Variants in TMPRSS11A observed in about 807,000 individuals in gnomAD.
TMPRSS11A encodes transmembrane serine protease 11A, also known as transmembrane protease serine 11A.
In TMPRSS11A, 53 loss-of-function variants were observed where a neutral mutation model predicts 58.9. That is an observed-to-expected ratio of 0.90 (90% CI 0.72 to 1.13). The LOEUF is 1.13. Ranked by LOEUF, TMPRSS11A falls within the 50% of genes most tolerant of loss-of-function variation. The pLI, the probability that TMPRSS11A is intolerant of heterozygous loss-of-function variation, is 0.00. For synonymous variants in TMPRSS11A, 167 were observed against 169.8 expected, an observed-to-expected ratio of 0.98 and a Z score of 0.13; for missense variants, 493 against 499.3, an observed-to-expected ratio of 0.99 and a Z score of 0.12.
At chr4:67,950,987 C>A (rs977698057) in intron 1 of TMPRSS11A, among the ~76,000 whole-genome samples, 1 of 152,216 alleles carries the variant, frequency 6.6e-6, no homozygotes, top group Non-Finnish European at 1.5e-5. Flanking sequence ...GCAGGCATCA[C>A]CTTTGGCTGT....
Position 67,914,648 on chromosome 4 carries a change from A to G in TMPRSS11A, c.1035T>C (p.Asn345=). ...CACAGAACATTCCAGGTTTTATATC[A>G]TTGCCATACACCTGTGGTTGCTTGC... ...DVCKQPQVYG[N]DIKPGMFCAG... Residue 345 remains asparagine, a synonymous_variant, in exon 9 of 10, where the codon AAT becomes AAC. Transcript: ENST00000508048. 5.6e-6 allele frequency: 9 copies of G among 1,613,638 alleles called. No homozygotes were observed. The highest frequency in any genetic ancestry group is 7.6e-6 in the Non-Finnish European group (9 of 1,179,658).
At chr4:67,956,985 T>C (rs903470061) in intron 1 of TMPRSS11A, among the ~76,000 whole-genome samples, 2 of 152,204 alleles carry the variant, frequency 1.3e-5, no homozygotes, top group Non-Finnish European at 2.9e-5. Context: ...TCATGAGATC[T>C]GATGGTTTTA....
intron 6 of TMPRSS11A, among the ~76,000 whole-genome samples, chr4:67,923,662 G>T (rs1329525977): frequency 6.6e-6 from 1 of 151,930 alleles, no homozygotes; most frequent in Non-Finnish European, 1.5e-5. Context: ...ACCTGCCACC[G>T]CACCTGGCTA....
At chr4:67,959,785 A>G (rs1193581246) in intron 1 of TMPRSS11A, among the ~76,000 whole-genome samples, 1 of 152,194 alleles carries the variant, frequency 6.6e-6, no homozygotes, top group East Asian at 1.9e-4. Flanking sequence ...AGAACTTAAG[A>G]CAGAACTATT....
chr4:67,913,872 G>T (rs781109282), intron 9 of TMPRSS11A, among the ~76,000 whole-genome samples: 16 of 152,166 alleles, frequency 1.1e-4, no homozygotes, highest in Non-Finnish European at 1.8e-4. Context: ...CCTCCTTAGA[G>T]TTCTAAAGTA....
Position 67,929,883 on chromosome 4 carries a change from T to C in TMPRSS11A, c.478A>G (p.Asn160Asp). 1 of 1,607,210 alleles carries C rather than the reference T, an allele frequency of 6.2e-7. No individual in the cohort carries two copies. The highest frequency in any genetic ancestry group is 8.5e-7 in the Non-Finnish European group (1 of 1,175,688). The stretch of plus-strand genomic sequence containing the variant: ...ACATAGAAGGGGACCTCCTTACCAT[T>C]AACTTGAACTGATGAGGCATTTATT... Reference protein sequence around the residue: ...LPINASSVQVNAMSSSTGELT... With the variant: ...LPINASSVQVDAMSSSTGELT... The change falls in exon 5 of 10, where the codon AAT becomes GAT. Residue 160 changes from asparagine to aspartate, a missense_variant. Coordinates refer to ENST00000508048, the MANE Select transcript of TMPRSS11A (RefSeq NM_001114387.2).
chr4:67,951,460 T>C (rs1477699505), intron 1 of TMPRSS11A, among the ~76,000 whole-genome samples: 1 of 152,182 alleles, frequency 6.6e-6, no homozygotes, highest in Non-Finnish European at 1.5e-5. Context: ...GTAAACCCTT[T>C]ACTTCCCAAG....
At chr4:67,960,121 T>G (rs1436942340) in intron 1 of TMPRSS11A, among the ~76,000 whole-genome samples, 2 of 151,972 alleles carry the variant, frequency 1.3e-5, no homozygotes, top group East Asian at 3.9e-4. Context: ...TGAGCACACA[T>G]AGACATAAAC....
chr4:67,957,874 G>A (rs1429326923), intron 1 of TMPRSS11A, among the ~76,000 whole-genome samples: 1 of 152,140 alleles, frequency 6.6e-6, no homozygotes, highest in African/African-American at 2.4e-5. Context: ...CCTCTGCTGT[G>A]TGCAGTCTAG....
At chr4:67,938,897 T>A (rs865904360) in intron 3 of TMPRSS11A, among the ~76,000 whole-genome samples, 2 of 151,968 alleles carry the variant, frequency 1.3e-5, no homozygotes, top group African/African-American at 4.8e-5. Context: ...TTGGGGCTTT[T>A]TTTTTTTGTA....
intron 1 of TMPRSS11A, among the ~76,000 whole-genome samples, chr4:67,948,916 T>C (rs761774752): frequency 1.5e-5 from 2 of 132,968 alleles, no homozygotes; most frequent in African/African-American, 2.5e-5. Context: ...TTCTTACTTC[T>C]AGGACACAAA....
At chr4:67,912,281 AAC>A (rs58492227) in intron 9 of TMPRSS11A, among the ~76,000 whole-genome samples, 105,257 of 149,612 alleles carry the variant, frequency 0.7, 37,146 homozygotes, top group African/African-American at 0.81. Flanking sequence ...CCACCATATC[AAC>A]ACACACACAC....
At position 67,911,284 on chromosome 4, in the gene TMPRSS11A, G is replaced by A; in HGVS notation, c.*58C>T. ...GTTGTACTACACCCACTAAATAGTT[G>A]AATTCTCATGCATATATGACCTGCA... On this transcript the variant is annotated 3_prime_UTR_variant, in exon 10 of 10. Coordinates refer to ENST00000508048, the MANE Select transcript of TMPRSS11A (RefSeq NM_001114387.2). The A allele has an allele frequency of 6.6e-7, 1 of 1,512,066 alleles. No individual in the cohort carries two copies. The allele number at this position is 1,512,066 out of a possible 1,614,324, so 93.7% of individuals were successfully genotyped here. A position where few individuals can be genotyped will look rare whatever the true frequency, so the allele number is the denominator to read the frequency against.
chr4:67,923,326 G>C (rs1171064190), intron 6 of TMPRSS11A, among the ~76,000 whole-genome samples: 2 of 152,180 alleles, frequency 1.3e-5, no homozygotes, highest in Non-Finnish European at 2.9e-5. Context: ...AGATATTGTT[G>C]AATGAATAAA....
intron 5 of TMPRSS11A, among the ~76,000 whole-genome samples, chr4:67,925,780 A>G (rs750040983): frequency 6.6e-6 from 1 of 152,214 alleles, no homozygotes; most frequent in Non-Finnish European, 1.5e-5. Context: ...GAATTCTTCA[A>G]TTGAAACTTT....
chr4:67,961,924 T>C (rs763654413), intron 1 of TMPRSS11A, among the ~76,000 whole-genome samples: 1 of 152,180 alleles, frequency 6.6e-6, no homozygotes, highest in Non-Finnish European at 1.5e-5. Context: ...AATATATTAA[T>C]GTTCATAGAA....
chr4:67,911,282 T>G lies in TMPRSS11A; in HGVS notation c.*60A>C, dbSNP rs28648375. On this transcript the variant is annotated 3_prime_UTR_variant, in exon 10 of 10. Coordinates refer to ENST00000508048, the MANE Select transcript of TMPRSS11A (RefSeq NM_001114387.2). ...TTGTTGTACTACACCCACTAAATAG[T>G]TGAATTCTCATGCATATATGACCTG... is the stretch of plus-strand genomic sequence containing the variant. 1 of 1,504,132 alleles carries G rather than the reference T, an allele frequency of 6.6e-7. No homozygotes were observed. Among genetic ancestry groups the G allele is most frequent in the Non-Finnish European group, 9.1e-7 (1 of 1,095,258 alleles). 93.2% of individuals were successfully genotyped at this position (1,504,132 alleles called of 1,614,324 possible). A position where few individuals can be genotyped will look rare whatever the true frequency, so the allele number is the denominator to read the frequency against.
chr4:67,934,346 C>A (rs1300986510), intron 3 of TMPRSS11A, among the ~76,000 whole-genome samples: 2 of 152,140 alleles, frequency 1.3e-5, no homozygotes, highest in Admixed American at 1.3e-4. Flanking sequence ...AACTAGCTTT[C>A]TAAAGACCCT....
intron 5 of TMPRSS11A, among the ~76,000 whole-genome samples, chr4:67,929,662 G>A (rs1311163070): frequency 6.6e-6 from 1 of 152,194 alleles, no homozygotes; most frequent in Non-Finnish European, 1.5e-5. Flanking sequence ...TGGGATGAGT[G>A]CCAATCAATT....
Sources: allele counts gnomAD v4.1 joint callset (sites outside exome capture counted in the v4.1 genomes callset), GRCh38; gene constraint gnomAD v4.1.1; transcripts MANE v1.5; gene names NCBI Gene and HGNC (gene_info 2026-07-23, HGNC 2026-07-21).